Variants in CADM3 observed in about 807,000 individuals in gnomAD.
CADM3 encodes the protein cell adhesion molecule 3, also known as TSLC1-like 1.
CADM3 carries 11 observed loss-of-function variants against 44.9 expected under a neutral mutation model. The observed-to-expected ratio is 0.25, with a 90% CI of 0.15 to 0.41. The LOEUF (loss-of-function observed/expected upper bound fraction) is 0.41, where lower values mean the gene tolerates loss of function less well. Among genes scored for constraint, CADM3 ranks in the 10% least tolerant of loss-of-function variants. CADM3 has a pLI of 1.00. For missense variants in CADM3, 426 were observed against 512.0 expected, an observed-to-expected ratio of 0.83 and a Z score of 1.62; for synonymous variants, 207 against 205.2, an observed-to-expected ratio of 1.01 and a Z score of -0.08.
chr1:159,192,666 C>T lies in CADM3; in HGVS notation c.318C>T (p.Gly106=), dbSNP rs1159555543. 2 of 1,614,124 alleles carry T rather than the reference C, an allele frequency of 1.2e-6. No individual in the cohort carries two copies. The highest frequency in any genetic ancestry group is 8.5e-7 in the Non-Finnish European group (1 of 1,180,008). The change falls in exon 3 of 9, where the codon GGC becomes GGT. Residue 106 remains glycine (G), a synonymous_variant. Coordinates refer to ENST00000368125, the MANE Select transcript of CADM3 (RefSeq NM_001127173.3). ...SISNVALADE[G]EYTCSIFTMP... is the part of the protein sequence containing the mutation. ...GCAATGTGGCCCTGGCAGACGAGGG[C>T]GAGTACACCTGCTCAATCTTCACTA...
intron 5 of CADM3, chr1:159,194,404 G>A: frequency 5.6e-6 from 1 of 177,306 alleles, no homozygotes; most frequent in South Asian, 1.5e-4. Context: ...CGTGGTCTAG[G>A]CCAGTATAAT....
intron 5 of CADM3, chr1:159,195,683 C>G (rs552672915): frequency 6.6e-6 from 1 of 152,352 alleles, no homozygotes; most frequent in Non-Finnish European, 1.5e-5. Flanking sequence ...TGGCTCTATC[C>G]TTAGGGGAAG....
At chr1:159,190,512 A>G (rs1239413188) in intron 1 of CADM3, among the ~76,000 whole-genome samples, 3 of 152,208 alleles carry the variant, frequency 2.0e-5, no homozygotes, top group East Asian at 1.9e-4. Flanking sequence ...GAGGGATTCC[A>G]TGATCCCAAA....
chr1:159,179,793 A>G (rs1649159496), intron 1 of CADM3, among the ~76,000 whole-genome samples: 1 of 152,158 alleles, frequency 6.6e-6, no homozygotes, highest in African/African-American at 2.4e-5. Flanking sequence ...CAGTTTTACC[A>G]TCTGCTCCTA....
In CADM3 at chr1:159,200,349, C is replaced by T. The variant is rs35842536; in HGVS notation, c.1079-455C>T. Among the ~76,000 whole-genome samples the T allele has an allele frequency of 6.5e-3, 989 of 152,284 alleles. 15 individuals carry two copies. Among genetic ancestry groups the T allele is most frequent in the African/African-American group, 0.023 (946 of 41,548 alleles). Reference sequence around the variant, plus strand: ...CTCTACCCTCTTCTCACATTCCTTCCTCTCAGACTTCCTGCTCTGCTATTA... The same window carrying T: ...CTCTACCCTCTTCTCACATTCCTTCTTCTCAGACTTCCTGCTCTGCTATTA... On this transcript the variant is annotated intron_variant, in intron 8 of 8. Transcript: ENST00000368125.
Position 159,202,457 on chromosome 1 carries a change from T to G in CADM3, c.*1535T>G, listed in dbSNP as rs1650262266. On this transcript the variant is annotated 3_prime_UTR_variant, in exon 9 of 9. Coordinates refer to ENST00000368125, the MANE Select transcript of CADM3 (RefSeq NM_001127173.3). The stretch of plus-strand genomic sequence containing the variant: ...GCTATGCACCTCTCAGGCCTCTCCT[T>G]GGCGTTGACCCTGGAAAGACCTACC... The G allele has an allele frequency of 6.5e-6, 1 of 152,680 alleles. No individual in the cohort carries two copies. The allele number at this position is 152,680 out of a possible 1,614,324, so 9.5% of individuals were successfully genotyped here.
At position 159,200,789 on chromosome 1, in the gene CADM3, T is replaced by C. The variant is rs1448296572; in HGVS notation, c.1079-15T>C. 6.4e-7 allele frequency: 1 copy of C among 1,567,750 alleles called. No homozygotes were observed. Among genetic ancestry groups the C allele is most frequent in the Middle Eastern group, 1.7e-4 (1 of 5,838 alleles). ...GAAGCTGCTCCTGAGAGGAGAAGCCTCTGTCTCTACACAGGAACCTACCTG... is the reference window on the plus strand; with the variant it reads ...GAAGCTGCTCCTGAGAGGAGAAGCCCCTGTCTCTACACAGGAACCTACCTG... On this transcript the variant is annotated splice_polypyrimidine_tract_variant and intron_variant, in intron 8 of 8. Coordinates refer to ENST00000368125, the MANE Select transcript of CADM3 (RefSeq NM_001127173.3).
chr1:159,174,948 A>C (rs1158487730), intron 1 of CADM3, among the ~76,000 whole-genome samples: 10 of 152,358 alleles, frequency 6.6e-5, no homozygotes, highest in East Asian at 3.9e-4. Flanking sequence ...TCTTTGTTTC[A>C]GATAAGGTTA....
chr1:159,192,786 C>A (rs1214036094), intron 3 of CADM3, 56 bp downstream of exon 3: 3 of 1,547,358 alleles, frequency 1.9e-6, no homozygotes, highest in Non-Finnish European at 2.6e-6. Context: ...AACAAACCTC[C>A]CTAGATGGGT....
chr1:159,191,935 G>A lies in CADM3; in HGVS notation c.89-1G>A. 1 of 1,614,030 alleles carries A rather than the reference G, an allele frequency of 6.2e-7. No homozygotes were observed. Among genetic ancestry groups the A allele is most frequent in the Non-Finnish European group, 8.5e-7 (1 of 1,180,010 alleles). On this transcript the variant is annotated splice_acceptor_variant, in intron 1 of 8. Transcript: ENST00000368125. LOFTEE classifies it high-confidence loss of function. ...AAACTAACACTCTTCTACTCCTGCAGACAGCCAGCCCTGGACATCTGATGA... is the reference window on the plus strand; with the variant it reads ...AAACTAACACTCTTCTACTCCTGCAAACAGCCAGCCCTGGACATCTGATGA...
Position 159,171,818 on chromosome 1 carries a change from G to A in CADM3, c.53G>A (p.Cys18Tyr). The change falls in exon 1 of 9, where the codon TGC (cysteine) becomes TAC (tyrosine). Residue 18 changes from cysteine (C) to tyrosine (Y), a missense_variant. Cys to Tyr is a radical substitution (Grantham distance 194). Transcript: ENST00000368125. The stretch of plus-strand genomic sequence containing the variant: ...CTCCTGCTCCTGCTGTTCGCCTGCT[G>A]CTGGGCGCCCGGCGGGGCCAACCTC... ...LLLLLLLFAC[C>Y]WAPGGANLSQ... 8.0e-7 allele frequency: 1 copy of A among 1,247,192 alleles called. No individual in the cohort carries two copies. Among genetic ancestry groups the A allele is most frequent in the Non-Finnish European group, 1.0e-6 (1 of 994,486 alleles). 77.3% of individuals were successfully genotyped at this position (1,247,192 alleles called of 1,614,324 possible).
intron 1 of CADM3, among the ~76,000 whole-genome samples, chr1:159,190,960 T>C (rs899158619): frequency 1.3e-4 from 20 of 152,330 alleles, no homozygotes; most frequent in Middle Eastern, 3.4e-3. Flanking sequence ...GGATCAGTGC[T>C]ACTGAGTCAC....
chr1:159,194,132 G>A lies in CADM3; in HGVS notation c.691+92G>A, dbSNP rs1016084497. 5.4e-5 allele frequency: 72 copies of A among 1,333,824 alleles called. 1 individual carries two copies. The highest frequency in any genetic ancestry group is 5.9e-5 in the African/African-American group (4 of 67,882). The allele number at this position is 1,333,824 out of a possible 1,614,324, so 82.6% of individuals were successfully genotyped here. On this transcript the variant is annotated intron_variant, in intron 5 of 8. Transcript: ENST00000368125. ...CAGGTGACTGTGCATGAAACAACAC[G>A]CACAGTTAAGTGAATAGGTAAAAAA...
At chr1:159,183,595 A>G (rs1403095054) in intron 1 of CADM3, among the ~76,000 whole-genome samples, 1 of 152,136 alleles carries the variant, frequency 6.6e-6, no homozygotes, top group Non-Finnish European at 1.5e-5. Flanking sequence ...AACGCATTGG[A>G]ACTAAGGAAA....
rs1343077137 is a variant in CADM3, at chr1:159,184,484, T to A, written c.89-7452T>A. Among the ~76,000 whole-genome samples the A allele has an allele frequency of 8.5e-5, 13 of 152,300 alleles. No homozygotes were observed. In the East Asian group the frequency reaches 2.5e-3, roughly 29 times the overall value. On this transcript the variant is annotated intron_variant, in intron 1 of 8. Coordinates refer to ENST00000368125, the MANE Select transcript of CADM3 (RefSeq NM_001127173.3). ...CATCAACTCCTACTCAGGGAGCTTT[T>A]TTTTTCTACAGTCAGGGAAGTGGGA...
chr1:159,171,892 G>A, intron 1 of CADM3, 39 bp downstream of exon 1: 1 of 1,197,960 alleles, frequency 8.3e-7, no homozygotes, highest in East Asian at 3.2e-5. Flanking sequence ...GAGGTGGGGA[G>A]TGACCCGAGG....
chr1:159,199,695 G>A (rs1198971085), intron 7 of CADM3, 56 bp from the exon 8 acceptor site: 29 of 1,613,008 alleles, frequency 1.8e-5, no homozygotes, highest in Non-Finnish European at 1.7e-6. Flanking sequence ...AAGTTGGAAT[G>A]CTATAAGATA....
rs1205586839 is a variant in CADM3, at chr1:159,194,975, T to C, written c.691+935T>C. ...TAGAGTTAGGAAATGGTGTATTTCTTGTCCTAACTTACCTAAAAGTTGGGC... is the reference window on the plus strand; with the variant it reads ...TAGAGTTAGGAAATGGTGTATTTCTCGTCCTAACTTACCTAAAAGTTGGGC... On this transcript the variant is annotated intron_variant, in intron 5 of 8. Coordinates refer to ENST00000368125, the MANE Select transcript of CADM3 (RefSeq NM_001127173.3). 5.3e-5 allele frequency: 8 copies of C among 152,262 alleles called. 1 individual carries two copies. The highest frequency in any genetic ancestry group is 1.5e-5 in the Non-Finnish European group (1 of 68,046). The allele number at this position is 152,262 out of a possible 1,614,324, so 9.4% of individuals were successfully genotyped here. A position where few individuals can be genotyped will look rare whatever the true frequency, so the allele number is the denominator to read the frequency against.
chr1:159,200,738 G>T (rs1418951370), intron 8 of CADM3, 66 bp from the exon 9 acceptor site: 1 of 1,194,344 alleles, frequency 8.4e-7, no homozygotes, highest in Admixed American at 2.4e-5. Context: ...GGGTGAGAAA[G>T]TGGGCAGGGT....
Sources: allele counts gnomAD v4.1 joint callset (sites outside exome capture counted in the v4.1 genomes callset), GRCh38; gene constraint gnomAD v4.1.1; transcripts MANE v1.5; gene names NCBI Gene and HGNC (gene_info 2026-07-23, HGNC 2026-07-21).